Variants in PDLIM5 observed in about 807,000 individuals in gnomAD.
The protein encoded by PDLIM5 is PDZ and LIM domain 5, also known as PDZ and LIM domain protein 5.
In PDLIM5, 34 loss-of-function variants were observed where a neutral mutation model predicts 64.2. That is an observed-to-expected ratio of 0.53 (90% confidence interval 0.40 to 0.71). PDLIM5 has a LOEUF of 0.71. PDLIM5 is among the 30% of genes least tolerant of loss of function. The pLI is 0.00. For missense variants in PDLIM5, 683 were observed against 733.6 expected (o/e 0.93, Z 0.80); for synonymous variants, 253 against 269.1 (o/e 0.94, Z 0.59).
chr4:94,531,868 A>C (rs1417627969), intron 3 of PDLIM5, among the ~76,000 whole-genome samples: 1 of 152,136 alleles, frequency 6.6e-6, no homozygotes, highest in East Asian at 1.9e-4. Context: ...GTATTCTGTA[A>C]TAAAAATTAT....
chr4:94,511,950 T>C (rs1728919228), intron 2 of PDLIM5, among the ~76,000 whole-genome samples: 1 of 152,094 alleles, frequency 6.6e-6, no homozygotes. Context: ...AGTGTAGATA[T>C]CTCTTCAATA....
At chr4:94,489,286 A>G (rs1053810379) in intron 2 of PDLIM5, among the ~76,000 whole-genome samples, 2 of 152,160 alleles carry the variant, frequency 1.3e-5, no homozygotes, top group African/African-American at 4.8e-5. Context: ...CTGGAACTTT[A>G]CAGGGTGTGG....
chr4:94,591,755 T>G (rs893059306), intron 7 of PDLIM5, among the ~76,000 whole-genome samples: 2 of 152,252 alleles, frequency 1.3e-5, no homozygotes, highest in African/African-American at 4.8e-5. Flanking sequence ...CCACTCCTGC[T>G]TCCTTTTCTG....
intron 7 of PDLIM5, among the ~76,000 whole-genome samples, chr4:94,615,776 A>AGGATTTTTTT (rs1249801448): frequency 1.3e-5 from 2 of 152,140 alleles, no homozygotes; most frequent in Non-Finnish European, 1.5e-5. Context: ...TTTCCTTTGG[A>AGGATTTTTTT]GGATTTTTTT....
intron 2 of PDLIM5, among the ~76,000 whole-genome samples, chr4:94,498,683 A>G (rs917598997): frequency 3.3e-5 from 5 of 152,326 alleles, no homozygotes. Flanking sequence ...GAATGAATGC[A>G]TGTGTGCATC....
At chr4:94,623,446 T>A (rs1257314338) in intron 8 of PDLIM5, among the ~76,000 whole-genome samples, 2 of 152,216 alleles carry the variant, frequency 1.3e-5, no homozygotes, top group African/African-American at 2.4e-5. Context: ...GTTCCCCCTT[T>A]GTGAAGCTTT....
rs543506814 is a variant in PDLIM5 at position 94,515,516 on chromosome 4, C to T, written c.97-8208C>T. 2.0e-5 allele frequency among the ~76,000 whole-genome samples: 3 copies of T among 152,218 alleles called. No homozygotes were observed. The East Asian group carries it at 5.8e-4, about 29-fold the overall frequency. On this transcript the variant is annotated intron_variant, in intron 2 of 12. Coordinates refer to ENST00000317968, the MANE Select transcript of PDLIM5 (RefSeq NM_006457.5). Reference sequence around the variant, plus strand: ...TTTGAAAGGCCTGTGATTTTTCCTCCTGTCGTAGAAGTATGCTGGCCTGGT... The same window carrying T: ...TTTGAAAGGCCTGTGATTTTTCCTCTTGTCGTAGAAGTATGCTGGCCTGGT...
chr4:94,550,009 T>A (rs1254182665), intron 3 of PDLIM5: 1 of 152,178 alleles, frequency 6.6e-6, no homozygotes, highest in Admixed American at 6.6e-5. Context: ...AATAGAAAGC[T>A]TCATTTTATA....
chr4:94,492,826 G>A lies in PDLIM5; in HGVS notation c.97-30898G>A, dbSNP rs568703112. On this transcript the variant is annotated intron_variant, in intron 2 of 12. Coordinates refer to ENST00000317968, the MANE Select transcript of PDLIM5 (RefSeq NM_006457.5). Reference sequence around the variant, plus strand: ...TTTTGCTATTGTGAATCCTGCTGCTGTGAACATTTGTGCACAAATTTTTGT... The same window carrying A: ...TTTTGCTATTGTGAATCCTGCTGCTATGAACATTTGTGCACAAATTTTTGT... Among the ~76,000 whole-genome samples, 6 of 152,296 alleles carry A rather than the reference G, an allele frequency of 3.9e-5. No homozygotes were observed. The South Asian group carries it at 8.3e-4, about 21-fold the overall frequency.
chr4:94,608,211 CAA>C, intron 7 of PDLIM5: 1 of 1,464,184 alleles, frequency 6.8e-7, no homozygotes, highest in South Asian at 1.2e-5. Flanking sequence ...TTCTAAATTT[CAA>C]AGCTGGTAGT....
At chr4:94,543,045 G>A (rs1347462054) in intron 3 of PDLIM5, among the ~76,000 whole-genome samples, 3 of 152,110 alleles carry the variant, frequency 2.0e-5, no homozygotes, top group Admixed American at 6.6e-5. Context: ...GTCATTACTC[G>A]GATGAAGGTG....
intron 2 of PDLIM5, among the ~76,000 whole-genome samples, chr4:94,477,527 T>A (rs1169517553): frequency 6.6e-6 from 1 of 152,228 alleles, no homozygotes; most frequent in Non-Finnish European, 1.5e-5. Context: ...TTCATGGTTT[T>A]CTTTAAACGT....
At chr4:94,493,625 A>G (rs1727071574) in intron 2 of PDLIM5, among the ~76,000 whole-genome samples, 1 of 152,226 alleles carries the variant, frequency 6.6e-6, no homozygotes, top group Non-Finnish European at 1.5e-5. Context: ...TTAGTATTAT[A>G]AAAGCTGCTG....
chr4:94,453,152 A>G (rs1477821500), intron 1 of PDLIM5, among the ~76,000 whole-genome samples: 5 of 152,234 alleles, frequency 3.3e-5, no homozygotes, highest in African/African-American at 4.8e-5. Flanking sequence ...AAGAAAATCC[A>G]TAACTCTACA....
At chr4:94,488,054 G>A (rs1726511494) in intron 2 of PDLIM5, among the ~76,000 whole-genome samples, 1 of 152,172 alleles carries the variant, frequency 6.6e-6, no homozygotes, top group Non-Finnish European at 1.5e-5. Context: ...TAAGTTGTGT[G>A]TTTGTGTTAA....
At chr4:94,663,939 C>A in intron 12 of PDLIM5, 39 bp from the exon 13 acceptor site, 2 of 1,581,484 alleles carry the variant, frequency 1.3e-6, no homozygotes, top group South Asian at 1.1e-5. Context: ...TCTTAATATC[C>A]TCTTAAATAA....
At chr4:94,640,880 A>G (rs1740954978) in intron 9 of PDLIM5, among the ~76,000 whole-genome samples, 1 of 152,234 alleles carries the variant, frequency 6.6e-6, no homozygotes. Flanking sequence ...GAAAAAGATG[A>G]TTGGATTTTT....
chr4:94,628,810 A>G (rs1020640145), intron 8 of PDLIM5, among the ~76,000 whole-genome samples: 1 of 152,170 alleles, frequency 6.6e-6, no homozygotes, highest in Non-Finnish European at 1.5e-5. Flanking sequence ...AAATTGTACA[A>G]ATTTAATATT....
chr4:94,610,126 T>C, intron 7 of PDLIM5: 1 of 1,355,382 alleles, frequency 7.4e-7, no homozygotes, highest in Admixed American at 2.4e-5. Context: ...CTTTCCTTTT[T>C]GTTCCTCTCC....
Sources: allele counts gnomAD v4.1 joint callset (sites outside exome capture counted in the v4.1 genomes callset), GRCh38; gene constraint gnomAD v4.1.1; transcripts MANE v1.5; gene names NCBI Gene and HGNC (gene_info 2026-07-23, HGNC 2026-07-21).